AFG1L: variants seen among roughly 807,000 people sequenced by gnomAD.
AFG1L encodes the protein AFG1-like ATPase.
Under a neutral mutation model 62.2 loss-of-function variants are expected in AFG1L, and 53 were observed. That is an observed-to-expected ratio of 0.85 (90% CI 0.68 to 1.07). AFG1L has a LOEUF of 1.07. Among genes scored for constraint, AFG1L ranks in the 50% least tolerant of loss-of-function variants. AFG1L has a pLI of 0.00. For synonymous variants in AFG1L, 228 were observed against 210.3 expected (o/e 1.08, Z -0.73); for missense variants, 555 against 590.5 (o/e 0.94, Z 0.62).
chr6:108,509,404 A>G (rs1774547305), intron 10 of AFG1L, among the ~76,000 whole-genome samples: 1 of 152,232 alleles, frequency 6.6e-6, no homozygotes, highest in South Asian at 2.1e-4. Context: ...ACCTTAAATT[A>G]AACTAAAAAT....
At chr6:108,364,865 C>CAAAAAAAAAAAAAA (rs869268005) in intron 5 of AFG1L, among the ~76,000 whole-genome samples, 1 of 94,174 alleles carries the variant, frequency 1.1e-5, no homozygotes, top group Non-Finnish European at 2.1e-5. Flanking sequence ...CTGAGACAGC[C>CAAAAAAAAAAAAAA]AAAAAAAAAA....
intron 6 of AFG1L, among the ~76,000 whole-genome samples, chr6:108,400,048 G>A (rs1781500602): frequency 6.6e-6 from 1 of 152,072 alleles, no homozygotes; most frequent in Non-Finnish European, 1.5e-5. Context: ...CAAAGTGCTA[G>A]GATTACAGGT....
At chr6:108,428,172 C>G (rs1169004211) in intron 7 of AFG1L, among the ~76,000 whole-genome samples, 2 of 152,144 alleles carry the variant, frequency 1.3e-5, no homozygotes, top group African/African-American at 4.8e-5. Flanking sequence ...GATAGCTTAG[C>G]TCCCACTTGT....
At chr6:108,479,476 C>T (rs549570645) in intron 10 of AFG1L, among the ~76,000 whole-genome samples, 6 of 152,126 alleles carry the variant, frequency 3.9e-5, no homozygotes, top group African/African-American at 9.6e-5. Context: ...AAGGCATTGA[C>T]GTGATAAGTG....
chr6:108,376,221 G>A (rs999453868), intron 6 of AFG1L, among the ~76,000 whole-genome samples: 2 of 151,914 alleles, frequency 1.3e-5, no homozygotes, highest in African/African-American at 4.8e-5. Flanking sequence ...TTTTAATCTA[G>A]CTAGCAGTCT....
At chr6:108,445,651 A>T (rs947688018) in intron 7 of AFG1L, among the ~76,000 whole-genome samples, 5 of 146,428 alleles carry the variant, frequency 3.4e-5, no homozygotes, top group Non-Finnish European at 7.6e-5. Context: ...AGAGAGAGAG[A>T]GAGAGAGAGA....
At chr6:108,390,506 C>G (rs1781004100) in intron 6 of AFG1L, among the ~76,000 whole-genome samples, 1 of 152,118 alleles carries the variant, frequency 6.6e-6, no homozygotes, top group Non-Finnish European at 1.5e-5. Context: ...TTTTATCTAC[C>G]TTTGGTCTTT....
rs1312272545 is a variant in AFG1L, at chr6:108,369,947, G to GCTATCTATCTAT, written c.748+3646_748+3657dup. 1.6e-4 allele frequency among the ~76,000 whole-genome samples: 21 copies of GCTATCTATCTAT among 130,246 alleles called. No individual in the cohort carries two copies. The East Asian group carries it at 2.5e-3, about 16-fold the overall frequency. The allele number at this position is 130,246 out of a possible 152,430, so 85.4% of individuals were successfully genotyped here. A position where few individuals can be genotyped will look rare whatever the true frequency, so the allele number is the denominator to read the frequency against. ...GGCTGGCTGGCTGGCTGGCTGGCTG[G>GCTATCTATCTAT]CTATCTATCTATCTATCTATCTATC... On this transcript the variant is annotated intron_variant, in intron 6 of 12. Coordinates refer to ENST00000368977, the MANE Select transcript of AFG1L (RefSeq NM_145315.5).
At chr6:108,309,639 G>C (rs531930537) in intron 1 of AFG1L, among the ~76,000 whole-genome samples, 2 of 151,982 alleles carry the variant, frequency 1.3e-5, no homozygotes, top group Admixed American at 6.6e-5. Context: ...AATATTCTTG[G>C]AACATCTTGG....
At chr6:108,520,422 T>A (rs1775079931) in intron 12 of AFG1L, 1 of 152,262 alleles carries the variant, frequency 6.6e-6, no homozygotes, top group Non-Finnish European at 1.5e-5. Context: ...GCTTGGAGTC[T>A]GGTGATTCAC....
chr6:108,412,945 G>A (rs1205074015), intron 7 of AFG1L, among the ~76,000 whole-genome samples: 3 of 152,152 alleles, frequency 2.0e-5, no homozygotes, highest in Admixed American at 6.5e-5. Flanking sequence ...TGGGCTAAAT[G>A]CTCCAATTAA....
At chr6:108,373,981 C>T (rs954155805) in intron 6 of AFG1L, among the ~76,000 whole-genome samples, 2 of 152,166 alleles carry the variant, frequency 1.3e-5, no homozygotes, top group Non-Finnish European at 2.9e-5. Context: ...CCCTTTTCTC[C>T]ACAGCCTCAC....
Position 108,347,339 on chromosome 6 carries a change from C to T in AFG1L, c.415+300C>T, listed in dbSNP as rs1006710162. Among the ~76,000 whole-genome samples, 8 of 152,230 alleles carry T rather than the reference C, an allele frequency of 5.3e-5. No homozygotes were observed. The East Asian group carries it at 1.5e-3, about 29-fold the overall frequency. ...AATCAACTACAGATAGGTTATTAGA[C>T]AAATCAGGATTCCATGACTCATTAA... On this transcript the variant is annotated intron_variant, in intron 3 of 12. Coordinates refer to ENST00000368977, the MANE Select transcript of AFG1L (RefSeq NM_145315.5).
chr6:108,326,301 G>A (rs917979223), intron 2 of AFG1L, among the ~76,000 whole-genome samples: 2 of 152,104 alleles, frequency 1.3e-5, no homozygotes, highest in African/African-American at 4.8e-5. Flanking sequence ...TGAACTTCTG[G>A]TCTTAAGCAA....
chr6:108,436,190 G>A (rs1321548052), intron 7 of AFG1L, among the ~76,000 whole-genome samples: 1 of 152,080 alleles, frequency 6.6e-6, no homozygotes, highest in Non-Finnish European at 1.5e-5. Context: ...GTGTTGCCAG[G>A]CTGGAGTGCA....
chr6:108,375,022 TCTC>T (rs2114530988), intron 6 of AFG1L, among the ~76,000 whole-genome samples: 1 of 152,284 alleles, frequency 6.6e-6, no homozygotes, highest in East Asian at 1.9e-4. Flanking sequence ...GTTTTGTAGT[TCTC>T]CTTGTAGAGA....
At chr6:108,434,345 C>A (rs1771213914) in intron 7 of AFG1L, among the ~76,000 whole-genome samples, 1 of 152,158 alleles carries the variant, frequency 6.6e-6, no homozygotes, top group Admixed American at 6.5e-5. Context: ...ATTCACCATG[C>A]CACCGAACTG....
At chr6:108,409,919 A>G (rs910087115) in intron 7 of AFG1L, among the ~76,000 whole-genome samples, 1 of 152,222 alleles carries the variant, frequency 6.6e-6, no homozygotes, top group Non-Finnish European at 1.5e-5. Context: ...AAGATAAATC[A>G]GAAGAAAACT....
At chr6:108,303,076 C>G (rs1183506013) in intron 1 of AFG1L, among the ~76,000 whole-genome samples, 1 of 152,052 alleles carries the variant, frequency 6.6e-6, no homozygotes, top group Non-Finnish European at 1.5e-5. Context: ...CCACACCTGG[C>G]TAATTTTTGT....
Sources: allele counts gnomAD v4.1 joint callset (sites outside exome capture counted in the v4.1 genomes callset), GRCh38; gene constraint gnomAD v4.1.1; transcripts MANE v1.5; gene names NCBI Gene and HGNC (gene_info 2026-07-23, HGNC 2026-07-21).